Variants in NIP7 observed in about 807,000 individuals in gnomAD.
NIP7 encodes the protein 60S ribosome subunit biogenesis protein NIP7 homolog.
NIP7 carries 12 observed loss-of-function variants against 20.1 expected under a neutral mutation model. The ratio of observed to expected loss-of-function variants is 0.60; its 90% CI spans 0.38 to 0.97. NIP7 has a LOEUF of 0.97. Among genes scored for constraint, NIP7 ranks in the 50% least tolerant of loss-of-function variants. The pLI is 0.00. For missense variants in NIP7, 226 were observed against 226.6 expected, an observed-to-expected ratio of 1.00 and a Z score of 0.02; for synonymous variants, 103 against 87.2, an observed-to-expected ratio of 1.18 and a Z score of -1.01.
In NIP7 at chr16:69,340,026, T is replaced by C; in HGVS notation, c.77T>C (p.Leu26Pro). The C allele has an allele frequency of 6.2e-7, 1 of 1,614,092 alleles. No individual in the cohort carries two copies. The highest frequency in any genetic ancestry group is 1.1e-5 in the South Asian group (1 of 91,082). Reference protein sequence around the residue: ...IAKYIGENLQLLVDRPDGTYC... With the variant: ...IAKYIGENLQPLVDRPDGTYC... Reference sequence around the variant, plus strand: ...CTCAGCATTGGGGAGAATCTTCAACTGCTGGTGGACCGGCCCGATGGCACC... The same window carrying C: ...CTCAGCATTGGGGAGAATCTTCAACCGCTGGTGGACCGGCCCGATGGCACC... The change falls in exon 2 of 5, where the codon CTG (leucine) becomes CCG (proline). Residue 26 changes from leucine to proline, a missense_variant. Leu to Pro is a moderately conservative substitution (Grantham distance 98). Transcript: ENST00000254940.
chr16:69,341,363 T>G, intron 4 of NIP7, 43 bp downstream of exon 4: 1 of 1,605,836 alleles, frequency 6.2e-7, no homozygotes, highest in Non-Finnish European at 8.5e-7. Flanking sequence ...AGTACTCTTA[T>G]TCAAGAAGGG....
rs995085453 is a variant in NIP7, at chr16:69,341,957, T to C, written c.*305T>C. On this transcript the variant is annotated 3_prime_UTR_variant, in exon 5 of 5. Transcript: ENST00000254940. The stretch of plus-strand genomic sequence containing the variant: ...TGGAACCAGGAACAAGAATAGCTTA[T>C]TGTTATCTGTGATAACACTGTTTTC... The C allele has an allele frequency of 4.5e-6, 1 of 223,556 alleles. No homozygotes were observed. The highest frequency in any genetic ancestry group is 8.9e-6 in the Non-Finnish European group (1 of 112,930). 13.8% of individuals were successfully genotyped at this position (223,556 alleles called of 1,614,324 possible). A position where few individuals can be genotyped will look rare whatever the true frequency, so the allele number is the denominator to read the frequency against.
Position 69,340,027 on chromosome 16 carries a change from G to C in NIP7, c.78G>C (p.Leu26=). 1 of 1,614,118 alleles carries C rather than the reference G, an allele frequency of 6.2e-7. No homozygotes were observed. The highest frequency in any genetic ancestry group is 1.7e-5 in the Admixed American group (1 of 60,020). Residue 26 remains leucine, a synonymous_variant, in exon 2 of 5, where the codon CTG becomes CTC. Transcript: ENST00000254940. ...TCAGCATTGGGGAGAATCTTCAACTGCTGGTGGACCGGCCCGATGGCACCT... is the reference window on the plus strand; with the variant it reads ...TCAGCATTGGGGAGAATCTTCAACTCCTGGTGGACCGGCCCGATGGCACCT... ...IAKYIGENLQ[L]LVDRPDGTYC...
Position 69,339,903 on chromosome 16 carries a change from G to A in NIP7, c.56+18G>A, listed in dbSNP as rs989854020. The A allele has an allele frequency of 3.7e-6, 6 of 1,613,376 alleles. No homozygotes were observed. In the African/African-American group the frequency reaches 5.4e-5, roughly 14 times the overall value. On this transcript the variant is annotated intron_variant, in intron 1 of 4. Coordinates refer to ENST00000254940, the MANE Select transcript of NIP7 (RefSeq NM_016101.5). ...GCGAAATAGTAGGAGCGCGCGGGGC[G>A]GACGCGGGAGTGTGTGGGTGTGGTG... is the stretch of plus-strand genomic sequence containing the variant.
rs1367069727 is a variant in NIP7, at chr16:69,340,042, C to T, written c.93C>T (p.Pro31=). ...ATCTTCAACTGCTGGTGGACCGGCC[C>T]GATGGCACCTACTGTTTCCGTCTGC... ...GENLQLLVDR[P]DGTYCFRLHN... The change falls in exon 2 of 5, where the codon CCC becomes CCT. Residue 31 remains proline, a synonymous_variant. Transcript: ENST00000254940. 9 of 1,613,996 alleles carry T rather than the reference C, an allele frequency of 5.6e-6. No individual in the cohort carries two copies. Among genetic ancestry groups the T allele is most frequent in the Admixed American group, 3.3e-5 (2 of 60,004 alleles).
chr16:69,341,365 C>A, intron 4 of NIP7, 45 bp downstream of exon 4: 1 of 1,602,510 alleles, frequency 6.2e-7, no homozygotes, highest in Non-Finnish European at 8.5e-7. Context: ...TACTCTTATT[C>A]AAGAAGGGTA....
rs1461931753 is a variant in NIP7 at position 69,341,332 on chromosome 16, T to C, written c.423+12T>C. ...CAGACATCCCTTTGGTGAGTAGAGA[T>C]GGTAGCTGTTACAGAACTCAAGTAC... is the stretch of plus-strand genomic sequence containing the variant. On this transcript the variant is annotated intron_variant, in intron 4 of 4. Coordinates refer to ENST00000254940, the MANE Select transcript of NIP7 (RefSeq NM_016101.5). 6.2e-7 allele frequency: 1 copy of C among 1,612,848 alleles called. No individual in the cohort carries two copies. Among genetic ancestry groups the C allele is most frequent in the Non-Finnish European group, 8.5e-7 (1 of 1,179,620 alleles).
At chr16:69,340,899 G>GTA (rs2012516263) in intron 3 of NIP7, 1 of 290,202 alleles carries the variant, frequency 3.4e-6, no homozygotes, top group African/African-American at 2.3e-5. Flanking sequence ...TTTTAGTAGA[G>GTA]ACAGTGTTTC....
At chr16:69,340,703 GCT>G (rs1178063367) in intron 3 of NIP7, 4 of 235,408 alleles carry the variant, frequency 1.7e-5, no homozygotes, top group African/African-American at 6.8e-5. Context: ...TTTCTTTCTT[GCT>G]CTGTTTTTTC....
Position 69,339,993 on chromosome 16 carries a change from T to A in NIP7, c.57-13T>A. ...CGTTCGGGCGCGGTCTCCAGTCCTCTTTTTGCCCTCAGCATTGGGGAGAAT... is the reference window on the plus strand; with the variant it reads ...CGTTCGGGCGCGGTCTCCAGTCCTCATTTTGCCCTCAGCATTGGGGAGAAT... On this transcript the variant is annotated splice_polypyrimidine_tract_variant and intron_variant, in intron 1 of 4. Coordinates refer to ENST00000254940, the MANE Select transcript of NIP7 (RefSeq NM_016101.5). 1 of 1,613,462 alleles carries A rather than the reference T, an allele frequency of 6.2e-7. No individual in the cohort carries two copies. Among genetic ancestry groups the A allele is most frequent in the Non-Finnish European group, 8.5e-7 (1 of 1,179,958 alleles).
rs1023716346 is a variant in NIP7, at chr16:69,341,390, G to T, written c.423+70G>T. On this transcript the variant is annotated intron_variant, in intron 4 of 4. Coordinates refer to ENST00000254940, the MANE Select transcript of NIP7 (RefSeq NM_016101.5). ...CAAGAAGGGTATGTCTTCAATCTGA[G>T]TGCTTGAGAGAATAAATTCTCAGCA... The T allele has an allele frequency of 3.8e-6, 6 of 1,576,046 alleles. No homozygotes were observed. The African/African-American group carries it at 8.1e-5, about 21-fold the overall frequency.
At position 69,339,783 on chromosome 16, in the gene NIP7, C is replaced by T. The variant is rs2012449657; in HGVS notation, c.-47C>T. The T allele has an allele frequency of 1.2e-6, 2 of 1,607,636 alleles. No homozygotes were observed. Among genetic ancestry groups the T allele is most frequent in the Non-Finnish European group, 1.7e-6 (2 of 1,175,872 alleles). On this transcript the variant is annotated 5_prime_UTR_variant, in exon 1 of 5. Transcript: ENST00000254940. ...AGCAGCGAGCGACCGACTTCCGTTT[C>T]CAGTTACCAAGGCACGAGGATCCGG...
chr16:69,340,366 G>T, intron 3 of NIP7, 34 bp downstream of exon 3: 1 of 1,602,186 alleles, frequency 6.2e-7, no homozygotes. Flanking sequence ...TGCCACGGGC[G>T]ATGAAGTCAA....
intron 3 of NIP7, 199 bp downstream of exon 3, chr16:69,340,531 T>G: frequency 1.5e-6 from 1 of 669,930 alleles, no homozygotes; most frequent in East Asian, 2.8e-5. Flanking sequence ...AGGGTTAGTT[T>G]TCTCCAGCGA....
Position 69,341,822 on chromosome 16 carries a change from T to C in NIP7, c.*170T>C. 1 of 670,278 alleles carries C rather than the reference T, an allele frequency of 1.5e-6. No individual in the cohort carries two copies. The highest frequency in any genetic ancestry group is 1.8e-5 in the African/African-American group (1 of 54,782). The allele number at this position is 670,278 out of a possible 1,614,324, so 41.5% of individuals were successfully genotyped here. On this transcript the variant is annotated 3_prime_UTR_variant, in exon 5 of 5. Coordinates refer to ENST00000254940, the MANE Select transcript of NIP7 (RefSeq NM_016101.5). ...ACAAATGCAGGCTGGATTCTTATTA[T>C]ATACAGAGATGGCTCAAAAATGGGG...
intron 3 of NIP7, 136 bp from the exon 4 acceptor site, chr16:69,341,044 G>A (rs900781431): frequency 4.0e-6 from 3 of 752,898 alleles, no homozygotes; most frequent in African/African-American, 1.8e-5. Flanking sequence ...GAGATAGACA[G>A]TTTGAGGAAA....
In NIP7 at chr16:69,342,885, G is replaced by C. The variant is rs1203447019; in HGVS notation, c.*1233G>C. The C allele has an allele frequency of 6.6e-6, 1 of 152,374 alleles. No homozygotes were observed. The highest frequency in any genetic ancestry group is 1.5e-5 in the Non-Finnish European group (1 of 68,322). 9.4% of individuals were successfully genotyped at this position (152,374 alleles called of 1,614,324 possible). ...GATTGGACTAAAAGCACTGATCAGA[G>C]GCCACGACATAAAAATTCAGTCCCT... On this transcript the variant is annotated 3_prime_UTR_variant, in exon 5 of 5. Coordinates refer to ENST00000254940, the MANE Select transcript of NIP7 (RefSeq NM_016101.5).
rs187321330 is a variant in NIP7 at position 69,342,715 on chromosome 16, G to A, written c.*1063G>A. Reference sequence around the variant, plus strand: ...TGTTATTAAGTGTAGAGTTTTATGAGTATAATTTGATTTTATTACCTTCTT... The same window carrying A: ...TGTTATTAAGTGTAGAGTTTTATGAATATAATTTGATTTTATTACCTTCTT... On this transcript the variant is annotated 3_prime_UTR_variant, in exon 5 of 5. Transcript: ENST00000254940. 3.9e-5 allele frequency: 6 copies of A among 152,162 alleles called. No individual in the cohort carries two copies. In the East Asian group the frequency reaches 9.6e-4, roughly 24 times the overall value. The allele number at this position is 152,162 out of a possible 1,614,324, so 9.4% of individuals were successfully genotyped here.
Position 69,341,205 on chromosome 16 carries a change from C to G in NIP7, c.308C>G (p.Ala103Gly). The change falls in exon 4 of 5, where the codon GCA becomes GGA. Residue 103 changes from alanine (A) to glycine (G), a missense_variant. Physicochemically the swap from Ala to Gly is moderately conservative, Grantham distance 60. Transcript: ENST00000254940. ...TATAAAGTTTGGATAAAGCCTGGTG[C>G]AGAGCAGTCCTTCCTGTATGGGAAC... ...AKYKVWIKPG[A>G]EQSFLYGNHV... The G allele has an allele frequency of 6.2e-7, 1 of 1,613,910 alleles. No individual in the cohort carries two copies. The highest frequency in any genetic ancestry group is 8.5e-7 in the Non-Finnish European group (1 of 1,179,840).
Sources: gnomAD v4.1 joint callset for allele counts on GRCh38, gnomAD v4.1.1 for gene constraint, MANE v1.5 for transcripts, NCBI Gene and HGNC (gene_info 2026-07-23, HGNC 2026-07-21) for gene names.